TNRC18: variants seen among roughly 807,000 people sequenced by gnomAD.
TNRC18 encodes the protein trinucleotide repeat containing 18, also known as trinucleotide repeat-containing gene 18 protein.
TNRC18 carries 69 observed loss-of-function variants against 226.7 expected under a neutral mutation model. The ratio of observed to expected loss-of-function variants is 0.30; its 90% CI spans 0.25 to 0.37. The LOEUF is 0.37. Among genes scored for constraint, TNRC18 ranks in the 10% least tolerant of loss-of-function variants. TNRC18 has a pLI of 1.00. For synonymous variants in TNRC18, 2,449 were observed against 1,927.6 expected (o/e 1.27, Z -7.09); for missense variants, 4,754 against 4,256.6 (o/e 1.12, Z -3.25).
Position 5,394,234 on chromosome 7 carries a change from TGAAAG to T in TNRC18, c.343+201_343+205del, listed in dbSNP as rs1780499798. ...TGGTCTGTGGCATGGGGTGTCAGGCTGAAAGGAGAGGAAACAGCTCATACAAATGC... is the reference window on the plus strand; with the variant it reads ...TGGTCTGTGGCATGGGGTGTCAGGCTGAGAGGAAACAGCTCATACAAATGC... On this transcript the variant is annotated intron_variant, in intron 3 of 29. Transcript: ENST00000430969. This position sits in a 1 kb window ranked among gnomAD's most constrained non-coding sequence, Gnocchi z 4.5. Among the ~76,000 whole-genome samples, 2 of 151,922 alleles carry T rather than the reference TGAAAG, an allele frequency of 1.3e-5. No homozygotes were observed. The highest frequency in any genetic ancestry group is 4.8e-5 in the African/African-American group (2 of 41,334).
At chr7:5,412,986 C>T (rs987464577) in intron 2 of TNRC18, among the ~76,000 whole-genome samples, 9 of 152,234 alleles carry the variant, frequency 5.9e-5, no homozygotes, top group Admixed American at 1.3e-4. Context: ...GTGGCCTAGA[C>T]TTCCTCCCAA....
At chr7:5,325,753 T>A (rs1304507921) in intron 19 of TNRC18, among the ~76,000 whole-genome samples, 2 of 76,290 alleles carry the variant, frequency 2.6e-5, no homozygotes, top group East Asian at 4.1e-4. Context: ...TTTTTTTTTT[T>A]AGAGACAAGG....
At position 5,324,037 on chromosome 7, in the gene TNRC18, C is replaced by A. The variant is rs1008222285; in HGVS notation, c.6442+177G>T. 1.3e-5 allele frequency among the ~76,000 whole-genome samples: 2 copies of A among 152,216 alleles called. No homozygotes were observed. Among genetic ancestry groups the A allele is most frequent in the African/African-American group, 4.8e-5 (2 of 41,464 alleles). ...CTTGCCTCATCTGCAGTTGACTAAG[C>A]TGCAGCCAGTCCAGCCTTCTCATCG... On this transcript the variant is annotated intron_variant, in intron 21 of 29. Transcript: ENST00000430969. The surrounding 1 kb of genome is among the most constrained non-coding windows in gnomAD (Gnocchi z 4.8).
At chr7:5,422,452 T>C (rs1782640200) in intron 1 of TNRC18, among the ~76,000 whole-genome samples, 1 of 151,930 alleles carries the variant, frequency 6.6e-6, no homozygotes, top group Non-Finnish European at 1.5e-5. Context: ...AAGCTGTTTG[T>C]TTAAAAGATT....
Position 5,397,122 on chromosome 7 carries a change from C to T in TNRC18, c.188-2527G>A, listed in dbSNP as rs748670681. 3.5e-3 allele frequency among the ~76,000 whole-genome samples: 540 copies of T among 152,318 alleles called. 13 individuals are homozygous for T. The highest frequency in any genetic ancestry group is 1.0e-3 in the Non-Finnish European group (71 of 68,016). ...GTCCAGCCAGGCCCAGCCCCCTCAC[C>T]GGACTCCAGCGCCAAGCCCTCGGGC... On this transcript the variant is annotated intron_variant, in intron 2 of 29. Transcript: ENST00000430969.
intron 18 of TNRC18, among the ~76,000 whole-genome samples, chr7:5,334,677 G>A (rs1789906755): frequency 6.6e-6 from 1 of 152,156 alleles, no homozygotes; most frequent in South Asian, 2.1e-4. Context: ...CCACAGGCAT[G>A]AGCGCTCTGC....
chr7:5,311,650 C>T (rs926946833), intron 27 of TNRC18, among the ~76,000 whole-genome samples: 9 of 151,766 alleles, frequency 5.9e-5, no homozygotes, highest in Non-Finnish European at 1.2e-4. Flanking sequence ...ACTGTCTCTA[C>T]AAAAATATTT....
At chr7:5,402,053 C>T (rs1249693740) in intron 2 of TNRC18, among the ~76,000 whole-genome samples, 1 of 151,972 alleles carries the variant, frequency 6.6e-6, no homozygotes, top group East Asian at 1.9e-4. Context: ...GTGGCGGGCC[C>T]CTGTAGTCCC....
intron 17 of TNRC18, among the ~76,000 whole-genome samples, chr7:5,349,105 T>A (rs916805558): frequency 1.3e-5 from 2 of 152,182 alleles, no homozygotes; most frequent in African/African-American, 4.8e-5. Context: ...GGGCGAGCTC[T>A]GGGTTTCTGG....
chr7:5,421,113 CCGGGCAAGCCCGAGG>C lies in TNRC18; in HGVS notation c.119_133del (p.Ala40_Pro44del). ...CATGTACTTCCCGGGCGGCAGCGGG[CCGGGCAAGCCCGAGG>C]CGGGCAAGCGTCCGGCAGTGGCCGC... On this transcript the variant is annotated inframe_deletion, in exon 2 of 30. Transcript: ENST00000430969. The C allele has an allele frequency of 2.0e-6, 3 of 1,466,640 alleles. No individual in the cohort carries two copies. Among genetic ancestry groups the C allele is most frequent in the South Asian group, 2.7e-5 (2 of 73,062 alleles). 90.9% of individuals were successfully genotyped at this position (1,466,640 alleles called of 1,614,324 possible). A position where few individuals can be genotyped will look rare whatever the true frequency, so the allele number is the denominator to read the frequency against.
At position 5,313,283 on chromosome 7, in the gene TNRC18, C is replaced by T. The variant is rs1266732999; in HGVS notation, c.7608G>A (p.Glu2536=). The T allele has an allele frequency of 6.5e-7, 1 of 1,548,572 alleles. No homozygotes were observed. Among genetic ancestry groups the T allele is most frequent in the Non-Finnish European group, 8.7e-7 (1 of 1,146,610 alleles). The part of the protein sequence containing the change: ...AQEPGPGLTF[E]DSGNPKSPDK... ...CTGGGCTCTTGGGGTTCCCAGAGTC[C>T]TCGAACGTGAGCCCCGGCCCGGGCT... is the stretch of plus-strand genomic sequence containing the variant. The change falls in exon 27 of 30, where the codon GAG becomes GAA. Residue 2536 remains glutamate, a synonymous_variant. Transcript: ENST00000430969.
chr7:5,327,372 C>A (rs867865800), intron 19 of TNRC18, among the ~76,000 whole-genome samples: 1 of 142,708 alleles, frequency 7.0e-6, no homozygotes, highest in Non-Finnish European at 1.6e-5. Flanking sequence ...TGTGTTTGTG[C>A]GTGTGTGTGT....
In TNRC18 at chr7:5,345,517, G is replaced by GTCCCC; in HGVS notation, c.5719+44_5719+45insGGGGA. 1.4e-4 allele frequency: 54 copies of GTCCCC among 377,744 alleles called. 1 individual carries two copies. Among genetic ancestry groups the GTCCCC allele is most frequent in the South Asian group, 7.4e-4 (17 of 22,822 alleles). 23.4% of individuals were successfully genotyped at this position (377,744 alleles called of 1,614,324 possible). ...CCTGTGGGATGGGGCAATGGCGTCCGCCCCTCCCACCCACCCCCACCGCAG... is the reference window on the plus strand; with the variant it reads ...CCTGTGGGATGGGGCAATGGCGTCCGTCCCCCCCCTCCCACCCACCCCCACCGCAG... On this transcript the variant is annotated intron_variant, in intron 18 of 29. Coordinates refer to ENST00000430969, the MANE Select transcript of TNRC18 (RefSeq NM_001080495.3).
intron 2 of TNRC18, among the ~76,000 whole-genome samples, chr7:5,414,788 A>T (rs1368810566): frequency 6.6e-6 from 1 of 152,092 alleles, no homozygotes; most frequent in Admixed American, 6.6e-5. Flanking sequence ...ACTTCATAAA[A>T]CCTAACAGTG....
Position 5,377,978 on chromosome 7 carries a change from G to T in TNRC18, c.2199C>A (p.His733Gln), listed in dbSNP as rs116929984. 163 of 1,613,276 alleles carry T rather than the reference G, an allele frequency of 1.0e-4. No homozygotes were observed. Among genetic ancestry groups the T allele is most frequent in the Non-Finnish European group, 1.2e-4 (147 of 1,179,798 alleles). ...DEDCVDDRAR[H>Q]REERLLGARL... ...GTGCCCCGAGCAGCCGTTCCTCCCG[G>T]TGTCTGGCCCGGTCGTCCACACAGT... The change falls in exon 6 of 30, where the codon CAC (histidine) becomes CAA (glutamine). Residue 733 changes from histidine to glutamine, a missense_variant. Coordinates refer to ENST00000430969, the MANE Select transcript of TNRC18 (RefSeq NM_001080495.3). This position sits in a 1 kb window ranked among gnomAD's most constrained non-coding sequence, Gnocchi z 5.8.
chr7:5,421,008 G>A (rs868553280), intron 2 of TNRC18, 52 bp downstream of exon 2: 3 of 1,544,128 alleles, frequency 1.9e-6, no homozygotes, highest in Non-Finnish European at 1.8e-6. Context: ...ACCCGGCCGA[G>A]TGGATCTCCC....
Position 5,389,054 on chromosome 7 carries a change from C to A in TNRC18, c.770G>T (p.Arg257Leu), listed in dbSNP as rs1434217008. 1 of 1,287,732 alleles carries A rather than the reference C, an allele frequency of 7.8e-7. No individual in the cohort carries two copies. The highest frequency in any genetic ancestry group is 9.9e-7 in the Non-Finnish European group (1 of 1,008,700). 79.8% of individuals were successfully genotyped at this position (1,287,732 alleles called of 1,614,324 possible). The change falls in exon 5 of 30, where the codon CGC (arginine) becomes CTC (leucine). Residue 257 changes from arginine to leucine, a missense_variant. Coordinates refer to ENST00000430969, the MANE Select transcript of TNRC18 (RefSeq NM_001080495.3). ...GAAGGGCGACAGGCGCTCAGCCAGG[C>A]GCGGGGGCCCCCGGTCCTGGCGGCC... ...AEGRQDRGPPRLAERLSPFLA... is the reference protein window; with the variant it reads ...AEGRQDRGPPLLAERLSPFLA...
intron 5 of TNRC18, among the ~76,000 whole-genome samples, chr7:5,382,651 G>A (rs1779480026): frequency 6.6e-6 from 1 of 152,120 alleles, no homozygotes; most frequent in Non-Finnish European, 1.5e-5. Flanking sequence ...AGCTGGAGGT[G>A]GGGACATCCC....
Position 5,370,418 on chromosome 7 carries a change from C to G in TNRC18, c.4176G>C (p.Glu1392Asp), listed in dbSNP as rs1248280808. ...TCCTCTCCAGCTCCAGCTCTGCGAT[C>G]TCACTTAGCAGGGTGATGCCATGCA... ...SFLHGITLLS[E>D]IAELELERRS... The change falls in exon 11 of 30, where the codon GAG (glutamate) becomes GAC (aspartate). Residue 1392 changes from glutamate to aspartate, a missense_variant. Transcript: ENST00000430969. The G allele has an allele frequency of 2.6e-6, 4 of 1,553,208 alleles. No individual in the cohort carries two copies. Among genetic ancestry groups the G allele is most frequent in the Non-Finnish European group, 2.6e-6 (3 of 1,147,808 alleles).
Sources: allele counts gnomAD v4.1 joint callset (sites outside exome capture counted in the v4.1 genomes callset), GRCh38; gene constraint gnomAD v4.1.1; non-coding constraint Gnocchi (gnomAD v3.1); transcripts MANE v1.5; gene names NCBI Gene and HGNC (gene_info 2026-07-23, HGNC 2026-07-21).